DNAH9: variants seen among roughly 807,000 people sequenced by gnomAD.
DNAH9 encodes dynein axonemal heavy chain 9, also known as DNAH9 variant protein.
Under a neutral mutation model 471.6 loss-of-function variants are expected in DNAH9, and 345 were observed. The observed-to-expected ratio is 0.73, with a 90% CI of 0.67 to 0.80. The LOEUF is 0.80. Among genes scored for constraint, DNAH9 ranks in the 30% least tolerant of loss-of-function variants. The pLI is 0.00. For missense variants in DNAH9, 5,407 were observed against 5,609.2 expected (o/e 0.96, Z 1.15); for synonymous variants, 2,093 against 2,123.6 (o/e 0.99, Z 0.40).
At chr17:11,706,033 TGAA>T (rs1316544471) in intron 26 of DNAH9, among the ~76,000 whole-genome samples, 1 of 152,180 alleles carries the variant, frequency 6.6e-6, no homozygotes, top group Non-Finnish European at 1.5e-5. Flanking sequence ...TGCAATTTAA[TGAA>T]GAACTCTTAA....
intron 26 of DNAH9, among the ~76,000 whole-genome samples, chr17:11,708,548 C>T (rs1449892936): frequency 6.6e-6 from 1 of 152,122 alleles, no homozygotes; most frequent in East Asian, 1.9e-4. Flanking sequence ...GGAGTCTTAA[C>T]AGGTGTTACT....
intron 17 of DNAH9, 24 bp downstream of exon 17, chr17:11,669,818 T>C (rs772813707): frequency 1.3e-6 from 2 of 1,599,226 alleles, no homozygotes; most frequent in Non-Finnish European, 1.7e-6. Flanking sequence ...TTTCACTTTC[T>C]TCCAGCATGC....
chr17:11,757,461 C>A, intron 34 of DNAH9, 84 bp from the exon 35 acceptor site: 1 of 1,289,464 alleles, frequency 7.8e-7, no homozygotes, highest in Non-Finnish European at 1.1e-6. Flanking sequence ...GTACATTTTC[C>A]AAACAGAGAA....
At chr17:11,650,974 C>T in intron 12 of DNAH9, 95 bp from the exon 13 acceptor site, 1 of 1,335,404 alleles carries the variant, frequency 7.5e-7, no homozygotes, top group Non-Finnish European at 1.0e-6. Flanking sequence ...CCCAGAAGAT[C>T]TTTGGGCCTC....
At chr17:11,787,892 G>A (rs562105185) in intron 41 of DNAH9, among the ~76,000 whole-genome samples, 59 of 152,218 alleles carry the variant, frequency 3.9e-4, no homozygotes, top group Non-Finnish European at 4.7e-4. Flanking sequence ...GCCTCCCACC[G>A]TGGTTCTGAG....
chr17:11,656,477 T>C (rs188855364), intron 14 of DNAH9, among the ~76,000 whole-genome samples: 90 of 152,344 alleles, frequency 5.9e-4, no homozygotes, highest in Middle Eastern at 6.8e-3. Context: ...TAACTGTCTA[T>C]GTCACTAATT....
chr17:11,835,966 G>T (rs541488113), intron 49 of DNAH9, among the ~76,000 whole-genome samples: 1 of 152,162 alleles, frequency 6.6e-6, no homozygotes, highest in Admixed American at 6.5e-5. Flanking sequence ...ATGCACTCTA[G>T]ATTTCTGGGA....
chr17:11,761,326 A>T (rs1030127047), intron 35 of DNAH9, among the ~76,000 whole-genome samples: 1 of 152,182 alleles, frequency 6.6e-6, no homozygotes, highest in East Asian at 1.9e-4. Context: ...TCTCTCCTTT[A>T]TCTGCCAGTG....
intron 58 of DNAH9, 33 bp downstream of exon 58, chr17:11,891,980 A>G (rs780257820): frequency 6.2e-7 from 1 of 1,607,922 alleles, no homozygotes; most frequent in African/African-American, 1.3e-5. Flanking sequence ...TCCAGAAAAC[A>G]GGTTATTTTT....
At chr17:11,685,645 G>C (rs762810578) in intron 19 of DNAH9, among the ~76,000 whole-genome samples, 1 of 152,078 alleles carries the variant, frequency 6.6e-6, no homozygotes, top group Non-Finnish European at 1.5e-5. Context: ...CTGCAGGATT[G>C]ATTGAATGTG....
At chr17:11,752,812 G>A in intron 32 of DNAH9, 21 bp from the exon 33 acceptor site, 1 of 1,531,258 alleles carries the variant, frequency 6.5e-7, no homozygotes, top group Non-Finnish European at 8.8e-7. Flanking sequence ...TGGAAAATAA[G>A]GTGTCAGTGG....
intron 8 of DNAH9, 148 bp from the exon 9 acceptor site, chr17:11,636,486 A>G (rs1376378863): frequency 6.5e-6 from 4 of 617,214 alleles, no homozygotes; most frequent in East Asian, 5.5e-5. Context: ...CCACATATGA[A>G]TAATTACAGG....
intron 60 of DNAH9, among the ~76,000 whole-genome samples, chr17:11,905,095 G>A (rs1408132701): frequency 4.6e-5 from 7 of 151,744 alleles, no homozygotes; most frequent in Non-Finnish European, 8.8e-5. Flanking sequence ...TTAGCTGGGC[G>A]TGGTGGCAGG....
intron 35 of DNAH9, among the ~76,000 whole-genome samples, chr17:11,758,914 G>A (rs1226935277): frequency 1.3e-5 from 2 of 152,070 alleles, no homozygotes; most frequent in African/African-American, 4.8e-5. Flanking sequence ...CTTTCAGTCC[G>A]TGGGTGACCC....
chr17:11,810,107 C>A lies in DNAH9; in HGVS notation c.8584-139C>A, dbSNP rs1052148701. On this transcript the variant is annotated intron_variant, in intron 44 of 68. Transcript: ENST00000262442. ...TGCCTGTCAGTGCAAGATAGCCCTC[C>A]CCCAGCTTCCCATTGTCACCTTACT... is the stretch of plus-strand genomic sequence containing the variant. The A allele has an allele frequency of 3.8e-6, 4 of 1,060,698 alleles. No homozygotes were observed. In the African/African-American group the frequency reaches 4.8e-5, roughly 13 times the overall value. 65.7% of individuals were successfully genotyped at this position (1,060,698 alleles called of 1,614,324 possible). A position where few individuals can be genotyped will look rare whatever the true frequency, so the allele number is the denominator to read the frequency against.
At position 11,918,759 on chromosome 17, in the gene DNAH9, G is replaced by A. The variant is rs113565335; in HGVS notation, c.11750-5055G>A. 4.4e-3 allele frequency among the ~76,000 whole-genome samples: 677 copies of A among 152,186 alleles called. 2 individuals are homozygous for A. Among genetic ancestry groups the A allele is most frequent in the African/African-American group, 0.016 (664 of 41,560 alleles). On this transcript the variant is annotated intron_variant, in intron 61 of 68. Transcript: ENST00000262442. Reference sequence around the variant, plus strand: ...CCAGCACTTTGGGAGGCCAAGGCACGCGGATCACCTGAGGTCAGGAGTCTG... The same window carrying A: ...CCAGCACTTTGGGAGGCCAAGGCACACGGATCACCTGAGGTCAGGAGTCTG...
intron 56 of DNAH9, chr17:11,884,567 C>T (rs766218123): frequency 1.3e-4 from 58 of 455,984 alleles, no homozygotes; most frequent in African/African-American, 8.8e-4. Flanking sequence ...TGAAAGACTT[C>T]GTTCTAGGTA....
At chr17:11,906,527 T>C (rs962440064) in intron 61 of DNAH9, among the ~76,000 whole-genome samples, 2 of 150,230 alleles carry the variant, frequency 1.3e-5, no homozygotes. Context: ...CTCGGGAAGC[T>C]GAGGCAGGAG....
chr17:11,702,908 C>A (rs1029809166), intron 24 of DNAH9, among the ~76,000 whole-genome samples: 2 of 151,840 alleles, frequency 1.3e-5, no homozygotes, highest in Admixed American at 1.3e-4. Flanking sequence ...CTGCCTAACA[C>A]GGTGAAACCC....
Sources: gnomAD v4.1 joint callset for allele counts (sites outside exome capture counted in the v4.1 genomes callset) on GRCh38, gnomAD v4.1.1 for gene constraint, MANE v1.5 for transcripts, NCBI Gene and HGNC (gene_info 2026-07-23, HGNC 2026-07-21) for gene names.